Variants in TRIM36 observed in about 807,000 individuals in gnomAD.
TRIM36 encodes the protein tripartite motif containing 36.
TRIM36 carries 42 observed loss-of-function variants against 72.4 expected under a neutral mutation model. That is an observed-to-expected ratio of 0.58 (90% confidence interval 0.45 to 0.75). TRIM36 has a LOEUF of 0.75. Ranked by LOEUF, TRIM36 falls within the 30% of genes least tolerant of loss-of-function variation. The probability of loss-of-function intolerance (pLI) is 0.00; values close to 1 mark genes in which losing one functional copy is unlikely to be tolerated. For missense variants in TRIM36, 913 were observed against 857.1 expected (o/e 1.07, Z -0.81); for synonymous variants, 315 against 282.8 (o/e 1.11, Z -1.14).
At chr5:115,178,596 A>G (rs1028706970) in intron 1 of TRIM36, among the ~76,000 whole-genome samples, 4 of 152,166 alleles carry the variant, frequency 2.6e-5, no homozygotes, top group African/African-American at 9.7e-5. Flanking sequence ...CTGGGGCGAC[A>G]AAGAGCTCGG....
chr5:115,173,884 G>T (rs538454220), upstream of TRIM36, among the ~76,000 whole-genome samples: 24 of 152,088 alleles, frequency 1.6e-4, no homozygotes, highest in Middle Eastern at 0.01. Flanking sequence ...CAATACTCTT[G>T]CCTTCATTGT....
intron 1 of TRIM36, among the ~76,000 whole-genome samples, chr5:115,164,692 T>C (rs1409040678): frequency 6.6e-6 from 1 of 152,168 alleles, no homozygotes; most frequent in Non-Finnish European, 1.5e-5. Flanking sequence ...AACCTAACCA[T>C]ATCATTGTGG....
chr5:115,173,761 G>A (rs990733230), upstream of TRIM36, among the ~76,000 whole-genome samples: 5 of 151,986 alleles, frequency 3.3e-5, no homozygotes, highest in African/African-American at 9.7e-5. Flanking sequence ...CTATTCCTCC[G>A]CAGTTTGGAG....
intron 2 of TRIM36, among the ~76,000 whole-genome samples, chr5:115,157,558 C>T (rs1754243356): frequency 6.6e-6 from 1 of 151,704 alleles, no homozygotes; most frequent in Non-Finnish European, 1.5e-5. Flanking sequence ...CAGCGAAACT[C>T]TATCTCAAAA....
rs534356027 is a variant in TRIM36, at chr5:115,157,220, G to A, written c.262+6298C>T. 7.4e-4 allele frequency among the ~76,000 whole-genome samples: 112 copies of A among 151,858 alleles called. 1 individual carries two copies. Among genetic ancestry groups the A allele is most frequent in the African/African-American group, 2.6e-3 (107 of 41,426 alleles). ...ACACTTCCACTCTGCTGGTGGGAAT[G>A]TAAACTAGTACAGCCACTACAGAAA... On this transcript the variant is annotated intron_variant, in intron 2 of 9. Transcript: ENST00000513154.
chr5:115,179,105 C>T (rs1447363711), intron 1 of TRIM36, among the ~76,000 whole-genome samples: 1 of 152,186 alleles, frequency 6.6e-6, no homozygotes, highest in African/African-American at 2.4e-5. Context: ...CGCCCTTTCC[C>T]GCCTTCTCTC....
intron 1 of TRIM36, chr5:115,177,901 G>A (rs1036615033): frequency 2.5e-6 from 4 of 1,610,266 alleles, no homozygotes; most frequent in Non-Finnish European, 3.4e-6. Flanking sequence ...GAGAGAGAGA[G>A]AGCAGAGAAA....
In TRIM36 at chr5:115,151,266, C is replaced by G. The variant is rs540730662; in HGVS notation, c.263-3872G>C. Among the ~76,000 whole-genome samples the G allele has an allele frequency of 1.3e-4, 20 of 152,308 alleles. No homozygotes were observed. In the South Asian group the frequency reaches 3.9e-3, roughly 30 times the overall value. On this transcript the variant is annotated intron_variant, in intron 2 of 9. Coordinates refer to ENST00000513154, the MANE Select transcript of TRIM36 (RefSeq NM_001300759.2). ...GCCTGTGACTGCCGGCTTTCCTTCA[C>G]TTCGCTGACAACCTGCATGACACAG... is the stretch of plus-strand genomic sequence containing the variant.
At chr5:115,173,431 A>G (rs768435722), upstream of TRIM36, among the ~76,000 whole-genome samples, 4 of 152,154 alleles carry the variant, frequency 2.6e-5, no homozygotes, top group Non-Finnish European at 4.4e-5. Context: ...CTCTATTTGC[A>G]CAAGGAGCAG....
intron 2 of TRIM36, among the ~76,000 whole-genome samples, chr5:115,154,804 A>G (rs1465407091): frequency 6.6e-6 from 1 of 152,186 alleles, no homozygotes; most frequent in Non-Finnish European, 1.5e-5. Flanking sequence ...CATGAGATAG[A>G]GAAAGAGGAA....
intron 7 of TRIM36, among the ~76,000 whole-genome samples, chr5:115,135,757 A>C (rs2059062): frequency 0.011 from 1,749 of 152,312 alleles, 36 homozygotes; most frequent in African/African-American, 0.04. Context: ...AAATACAATC[A>C]GCATTTTAAG....
At position 115,133,916 on chromosome 5, in the gene TRIM36, C is replaced by A. The variant is rs757063567; in HGVS notation, c.1442G>T (p.Gly481Val). Residue 481 changes from glycine to valine, a missense_variant, in exon 8 of 10, where the codon GGT becomes GTT. Gly to Val is a moderately radical substitution (Grantham distance 109, BLOSUM62 -3). Coordinates refer to ENST00000513154, the MANE Select transcript of TRIM36 (RefSeq NM_001300759.2). ...TYAFRVRAYK[G>V]SICSPCSREL... ...TCTGCTGCAAGGACTACAGATTGAACCCTTGTAAGCTCTTACTCTGAAAGC... is the reference window on the plus strand; with the variant it reads ...TCTGCTGCAAGGACTACAGATTGAAACCTTGTAAGCTCTTACTCTGAAAGC... 2 of 1,612,570 alleles carry A rather than the reference C, an allele frequency of 1.2e-6. No individual in the cohort carries two copies. Among genetic ancestry groups the A allele is most frequent in the Non-Finnish European group, 1.7e-6 (2 of 1,179,418 alleles).
chr5:115,146,221 G>C (rs537745046), intron 3 of TRIM36, among the ~76,000 whole-genome samples: 2 of 152,322 alleles, frequency 1.3e-5, no homozygotes, highest in South Asian at 4.1e-4. Flanking sequence ...AGCACAGATT[G>C]TTTTTGCCTT....
In TRIM36 at chr5:115,125,355, T is replaced by C. The variant is rs889593816; in HGVS notation, c.*1148A>G. ...GAATGTAATTCCTCAAATTAAAAGA[T>C]ATTTTAAAGGGTACACAGTCATTGT... On this transcript the variant is annotated 3_prime_UTR_variant, in exon 10 of 10. Coordinates refer to ENST00000513154, the MANE Select transcript of TRIM36 (RefSeq NM_001300759.2). 1 of 152,154 alleles carries C rather than the reference T, an allele frequency of 6.6e-6. No individual in the cohort carries two copies. The highest frequency in any genetic ancestry group is 1.5e-5 in the Non-Finnish European group (1 of 67,980). The allele number at this position is 152,154 out of a possible 1,614,324, so 9.4% of individuals were successfully genotyped here.
chr5:115,129,808 T>G (rs2112766686), intron 9 of TRIM36, among the ~76,000 whole-genome samples: 1 of 152,340 alleles, frequency 6.6e-6, no homozygotes, highest in South Asian at 2.1e-4. Flanking sequence ...GTTCCCCATT[T>G]TTTTCAATAT....
At chr5:115,177,829 A>G (rs1238437154) in intron 1 of TRIM36, 3 of 1,614,184 alleles carry the variant, frequency 1.9e-6, no homozygotes, top group Non-Finnish European at 2.5e-6. Context: ...TTTAGAAGTC[A>G]ACCGGGAATG....
chr5:115,135,706 A>G (rs1046867612), intron 7 of TRIM36, among the ~76,000 whole-genome samples: 2 of 152,172 alleles, frequency 1.3e-5, no homozygotes, highest in African/African-American at 4.8e-5. Flanking sequence ...TTGTATATAT[A>G]CTATTCAAGC....
intron 1 of TRIM36, among the ~76,000 whole-genome samples, chr5:115,167,828 T>C (rs558136451): frequency 6.6e-6 from 1 of 152,336 alleles, no homozygotes; most frequent in African/African-American, 2.4e-5. Context: ...TTCTCTGTGT[T>C]AGTCCCTTTT....
rs188571778 is a variant in TRIM36 at position 115,133,721 on chromosome 5, T to C, written c.1498+139A>G. On this transcript the variant is annotated intron_variant, in intron 8 of 9. Transcript: ENST00000513154. ...GTTCATTTCTAAAGCCCAGCTGGGA[T>C]AGAAGCTACTTTTCTGGAGTCTTTT... 16 of 782,248 alleles carry C rather than the reference T, an allele frequency of 2.0e-5. No homozygotes were observed. The East Asian group carries it at 2.5e-4, about 12-fold the overall frequency. The allele number at this position is 782,248 out of a possible 1,614,324, so 48.5% of individuals were successfully genotyped here. A position where few individuals can be genotyped will look rare whatever the true frequency, so the allele number is the denominator to read the frequency against.
Sources: gnomAD v4.1 joint callset for allele counts (sites outside exome capture counted in the v4.1 genomes callset) on GRCh38, gnomAD v4.1.1 for gene constraint, MANE v1.5 for transcripts, NCBI Gene and HGNC (gene_info 2026-07-23, HGNC 2026-07-21) for gene names.